Variants in SV2C observed in about 807,000 individuals in gnomAD.
SV2C encodes solute carrier family 22 member B3.
Under a neutral mutation model 79.7 loss-of-function variants are expected in SV2C, and 49 were observed. The observed-to-expected ratio is 0.61, with a 90% CI of 0.49 to 0.78. The LOEUF (loss-of-function observed/expected upper bound fraction) is 0.78. Among genes scored for constraint, SV2C ranks in the 30% least tolerant of loss-of-function variants. The pLI, the probability that SV2C is intolerant of heterozygous loss-of-function variation, is 0.00. For missense variants in SV2C, 833 were observed against 912.9 expected, an observed-to-expected ratio of 0.91 and a Z score of 1.13; for synonymous variants, 334 against 333.2, an observed-to-expected ratio of 1.00 and a Z score of -0.03.
the SV2C span, among the ~76,000 whole-genome samples, chr5:76,077,213 G>T: frequency 9.0e-4 from 137 of 152,092 alleles, no homozygotes; most frequent in African/African-American, 3.2e-3. Flanking sequence ...TAAGCCTCTC[G>T]ATCTATTTTC....
At chr5:75,893,241 C>T in the SV2C span, among the ~76,000 whole-genome samples, 1 of 152,030 alleles carries the variant, frequency 6.6e-6, no homozygotes, top group Non-Finnish European at 1.5e-5. Flanking sequence ...AGTGTCTATT[C>T]ATGCCCTTTG....
chr5:75,963,222 T>C, the SV2C span, among the ~76,000 whole-genome samples: 2 of 152,166 alleles, frequency 1.3e-5, no homozygotes, highest in Admixed American at 1.3e-4. Context: ...CCTCTGTGTT[T>C]CATTGTACTG....
chr5:76,324,669 C>T (rs1032823512), intron 12 of SV2C, among the ~76,000 whole-genome samples: 2 of 151,348 alleles, frequency 1.3e-5, no homozygotes, highest in African/African-American at 4.9e-5. Flanking sequence ...CGCAGGAGGA[C>T]ACCCCCATCT....
chr5:75,947,010 T>C, the SV2C span, among the ~76,000 whole-genome samples: 32 of 152,270 alleles, frequency 2.1e-4, no homozygotes, highest in South Asian at 1.9e-3. Flanking sequence ...ATTGGCTGAG[T>C]CTGGTCAGTG....
intron 2 of SV2C, among the ~76,000 whole-genome samples, chr5:76,172,453 C>A (rs1580327404): frequency 1.1e-5 from 1 of 90,378 alleles, no homozygotes; most frequent in Middle Eastern, 4.8e-3. Context: ...CAGCCAGCCG[C>A]CCTGTCCGGG....
chr5:76,207,303 C>G (rs1374224193), intron 3 of SV2C, among the ~76,000 whole-genome samples: 1 of 152,052 alleles, frequency 6.6e-6, no homozygotes, highest in Non-Finnish European at 1.5e-5. Context: ...GTCCAGAGTC[C>G]TGATGAAACA....
the SV2C span, among the ~76,000 whole-genome samples, chr5:75,954,910 G>T: frequency 9.7e-3 from 1,178 of 121,512 alleles, no homozygotes; most frequent in South Asian, 0.014. Flanking sequence ...CAAACAAATG[G>T]AAGAACATTC....
chr5:76,048,815 A>G, the SV2C span, among the ~76,000 whole-genome samples: 2 of 30,032 alleles, frequency 6.7e-5, no homozygotes, highest in Admixed American at 6.9e-4. Flanking sequence ...CAGATTGTGA[A>G]AAAAAAAAAA....
intron 4 of SV2C, among the ~76,000 whole-genome samples, chr5:76,274,438 A>G (rs1215946517): frequency 6.6e-6 from 1 of 152,134 alleles, no homozygotes; most frequent in African/African-American, 2.4e-5. Flanking sequence ...TTTTATGTAT[A>G]TATATAAAAA....
At chr5:76,281,074 C>T (rs1038101676) in intron 4 of SV2C, 7 of 541,440 alleles carry the variant, frequency 1.3e-5, no homozygotes, top group Admixed American at 3.9e-5. Context: ...TAACTTAGCA[C>T]GTGTAAAGAC....
the SV2C span, among the ~76,000 whole-genome samples, chr5:76,059,020 G>A: frequency 1.3e-5 from 2 of 152,044 alleles, no homozygotes; most frequent in African/African-American, 4.8e-5. Flanking sequence ...GCATATAAAA[G>A]TTATGTTTAT....
the SV2C span, among the ~76,000 whole-genome samples, chr5:76,050,870 G>C: frequency 2.6e-5 from 4 of 152,152 alleles, no homozygotes; most frequent in East Asian, 1.9e-4. Flanking sequence ...ATATAGATAA[G>C]TTACTTTCTA....
intron 2 of SV2C, among the ~76,000 whole-genome samples, chr5:76,187,508 A>G (rs758519868): frequency 7.9e-5 from 12 of 152,170 alleles, no homozygotes; most frequent in Non-Finnish European, 8.8e-5. Context: ...AGTTCTTTCT[A>G]GCTAAGAAGA....
chr5:75,889,465 G>A, the SV2C span, among the ~76,000 whole-genome samples: 1 of 151,892 alleles, frequency 6.6e-6, no homozygotes, highest in Admixed American at 6.6e-5. Flanking sequence ...ATTCCATGGT[G>A]TATATGTGAC....
chr5:76,271,416 G>GA (rs1432507338), intron 4 of SV2C, among the ~76,000 whole-genome samples: 1 of 152,084 alleles, frequency 6.6e-6, no homozygotes, highest in Non-Finnish European at 1.5e-5. Context: ...CAAATAGGAG[G>GA]AAAAAATCAG....
intron 12 of SV2C, among the ~76,000 whole-genome samples, chr5:76,302,437 C>G (rs1440687604): frequency 1.3e-5 from 2 of 151,782 alleles, no homozygotes; most frequent in Non-Finnish European, 2.9e-5. Context: ...CCAGCCTGGC[C>G]AACATGGTGA....
At chr5:76,131,032 A>G (rs986749257) in intron 1 of SV2C, among the ~76,000 whole-genome samples, 3 of 152,196 alleles carry the variant, frequency 2.0e-5, no homozygotes, top group African/African-American at 7.2e-5. Flanking sequence ...TGTGGATATG[A>G]CACTATGCTA....
chr5:76,125,539 A>G (rs1170641884), intron 1 of SV2C, among the ~76,000 whole-genome samples: 1 of 152,190 alleles, frequency 6.6e-6, no homozygotes, highest in Non-Finnish European at 1.5e-5. Context: ...TGATTGGGTA[A>G]CAAATTTAAG....
intron 12 of SV2C, among the ~76,000 whole-genome samples, chr5:76,303,547 A>G (rs980258869): frequency 6.6e-6 from 1 of 152,134 alleles, no homozygotes. Context: ...TGTATACTAT[A>G]AGAGTGTGAT....
Sources: allele counts gnomAD v4.1 joint callset (sites outside exome capture counted in the v4.1 genomes callset), GRCh38; gene constraint gnomAD v4.1.1; transcripts MANE v1.5; gene names NCBI Gene and HGNC (gene_info 2026-07-23, HGNC 2026-07-21).